Variants in CCNY observed in about 807,000 individuals in gnomAD.
CCNY encodes cyclin Y, also known as cyclin-Y.
CCNY carries 19 observed loss-of-function variants against 42.8 expected under a neutral mutation model. That is an observed-to-expected ratio of 0.44 (90% CI 0.31 to 0.65). The LOEUF (loss-of-function observed/expected upper bound fraction) is 0.65, where lower values mean the gene tolerates loss of function less well. Among genes scored for constraint, CCNY ranks in the 30% least tolerant of loss-of-function variants. The pLI is 0.07. For missense variants in CCNY, 370 were observed against 437.3 expected (o/e 0.85, Z 1.37); for synonymous variants, 165 against 162.7 (o/e 1.01, Z -0.11).
At chr10:35,452,613 C>T (rs1838942240) in intron 1 of CCNY, among the ~76,000 whole-genome samples, 1 of 152,158 alleles carries the variant, frequency 6.6e-6, no homozygotes, top group Admixed American at 6.5e-5. Context: ...GAGGTTCTCA[C>T]CATTTCAGAA....
At chr10:35,337,333 G>T (rs1836065269) in intron 1 of CCNY, 126 bp downstream of exon 1, 2 of 1,009,394 alleles carry the variant, frequency 2.0e-6, no homozygotes, top group Admixed American at 3.9e-5. Flanking sequence ...CCGGGGCTTC[G>T]CCCGCGCAGC....
chr10:35,521,210 A>G (rs901607689), intron 4 of CCNY, among the ~76,000 whole-genome samples: 5 of 152,228 alleles, frequency 3.3e-5, no homozygotes, highest in African/African-American at 9.6e-5. Context: ...AGCAAACCCT[A>G]TAGTCCAAAT....
chr10:35,383,365 T>C (rs1315832038), intron 1 of CCNY, among the ~76,000 whole-genome samples: 1 of 152,058 alleles, frequency 6.6e-6, no homozygotes, highest in Non-Finnish European at 1.5e-5. Flanking sequence ...TGGAGTGCAG[T>C]GGCACAATCT....
At chr10:35,347,986 T>C (rs1836343571) in intron 1 of CCNY, among the ~76,000 whole-genome samples, 1 of 152,234 alleles carries the variant, frequency 6.6e-6, no homozygotes, top group African/African-American at 2.4e-5. Flanking sequence ...CAGACGCACA[T>C]ATTTATCAAG....
intron 1 of CCNY, among the ~76,000 whole-genome samples, chr10:35,468,883 C>T (rs1344459882): frequency 6.6e-6 from 1 of 152,206 alleles, no homozygotes; most frequent in African/African-American, 2.4e-5. Flanking sequence ...CTCCCCCTGC[C>T]AGCCCAGCCT....
intron 3 of CCNY, among the ~76,000 whole-genome samples, chr10:35,507,620 T>C (rs1840240855): frequency 6.6e-6 from 1 of 152,224 alleles, no homozygotes; most frequent in South Asian, 2.1e-4. Context: ...CCAGCAATGT[T>C]AAGTGGCTCC....
chr10:35,263,084 C>A (rs1396908069), intron 3 of CCNY, among the ~76,000 whole-genome samples: 2 of 151,824 alleles, frequency 1.3e-5, no homozygotes, highest in African/African-American at 4.8e-5. Flanking sequence ...TAGCCGGGCA[C>A]GGTGGCTCAC....
rs892546480 is a variant in CCNY, at chr10:35,294,939, T to C, written c.-9+44313T>C. Among the ~76,000 whole-genome samples, 7 of 152,256 alleles carry C rather than the reference T, an allele frequency of 4.6e-5. No homozygotes were observed. The East Asian group carries it at 1.4e-3, about 30-fold the overall frequency. On this transcript the variant is annotated intron_variant, in intron 3 of 11. Coordinates refer to the CCNY transcript ENST00000374706. ...CTTTGTTATAGATTTATTTAAATTG[T>C]CCCTTTCTTCTTGAGCCAGTTGCAG...
At chr10:35,325,973 G>A (rs1457189018) in intron 3 of CCNY, among the ~76,000 whole-genome samples, 1 of 152,082 alleles carries the variant, frequency 6.6e-6, no homozygotes, top group Admixed American at 6.6e-5. Context: ...CTTGGGAGGA[G>A]GCTGAGGTAG....
intron 1 of CCNY, among the ~76,000 whole-genome samples, chr10:35,400,382 T>A (rs1837617807): frequency 6.6e-6 from 1 of 152,090 alleles, no homozygotes; most frequent in Non-Finnish European, 1.5e-5. Flanking sequence ...CCTGGGGCAT[T>A]TAGGTTGGTC....
At chr10:35,528,923 T>C (rs1840707407) in intron 5 of CCNY, among the ~76,000 whole-genome samples, 1 of 152,228 alleles carries the variant, frequency 6.6e-6, no homozygotes, top group South Asian at 2.1e-4. Context: ...GCACAGACTA[T>C]GGAAATTACA....
intron 1 of CCNY, among the ~76,000 whole-genome samples, chr10:35,346,451 A>C (rs889478921): frequency 3.3e-5 from 5 of 152,220 alleles, no homozygotes; most frequent in Non-Finnish European, 7.3e-5. Context: ...CCCACACATC[A>C]GCAAGATTTT....
intron 3 of CCNY, among the ~76,000 whole-genome samples, chr10:35,255,761 A>AAG (rs964966179): frequency 1.5e-4 from 23 of 151,858 alleles, no homozygotes; most frequent in African/African-American, 5.6e-4. Context: ...TGCCTGGCTA[A>AAG]TTTTTAAAAA....
intron 1 of CCNY, among the ~76,000 whole-genome samples, chr10:35,370,840 C>T (rs765519375): frequency 7.9e-5 from 12 of 151,548 alleles, no homozygotes; most frequent in Non-Finnish European, 1.0e-4. Context: ...CTCAGCCTCC[C>T]GAGTAGCTGA....
Position 35,423,559 on chromosome 10 carries a change from C to T in CCNY, c.155-59845C>T, listed in dbSNP as rs948227151. Among the ~76,000 whole-genome samples the T allele has an allele frequency of 6.0e-5, 9 of 150,152 alleles. No homozygotes were observed. The South Asian group carries it at 1.7e-3, about 28-fold the overall frequency. ...GTACATTGAGGGTGTTTGTTGTAAGCAGCAGGTTATTTTGGTACACTGTAC... is the reference window on the plus strand; with the variant it reads ...GTACATTGAGGGTGTTTGTTGTAAGTAGCAGGTTATTTTGGTACACTGTAC... On this transcript the variant is annotated intron_variant, in intron 1 of 9. Transcript: ENST00000374704.
chr10:35,526,406 G>A (rs1329472610), intron 5 of CCNY, among the ~76,000 whole-genome samples: 1 of 152,138 alleles, frequency 6.6e-6, no homozygotes, highest in Non-Finnish European at 1.5e-5. Context: ...ATTTAGGCAT[G>A]AACTATTTTA....
Position 35,516,500 on chromosome 10 carries a change from ATCT to A in CCNY, c.265-18_265-16del, listed in dbSNP as rs373228161. 4.5e-4 allele frequency: 697 copies of A among 1,547,362 alleles called. 4 individuals are homozygous for A. The African/African-American group carries it at 8.5e-3, about 19-fold the overall frequency. ...TTCTGAGCCCTGTGTAATTGCCTTAATCTTCTTGCTGTTGTTTTCTAGCATCCT... is the reference window on the plus strand; with the variant it reads ...TTCTGAGCCCTGTGTAATTGCCTTAATCTTGCTGTTGTTTTCTAGCATCCT... On this transcript the variant is annotated intron_variant, in intron 3 of 9. Transcript: ENST00000374704.
intron 1 of CCNY, among the ~76,000 whole-genome samples, chr10:35,452,196 G>A (rs1196579412): frequency 1.3e-5 from 2 of 152,150 alleles, no homozygotes; most frequent in Non-Finnish European, 2.9e-5. Flanking sequence ...GTTGTTGACT[G>A]TGATGTTGAA....
At chr10:35,478,380 T>G (rs1208831506) in intron 1 of CCNY, among the ~76,000 whole-genome samples, 2 of 151,750 alleles carry the variant, frequency 1.3e-5, no homozygotes, top group Non-Finnish European at 2.9e-5. Context: ...ACTACCTGAC[T>G]TCAAACTATA....
Sources: allele counts gnomAD v4.1 joint callset (sites outside exome capture counted in the v4.1 genomes callset), GRCh38; gene constraint gnomAD v4.1.1; transcripts MANE v1.5; gene names NCBI Gene and HGNC (gene_info 2026-07-23, HGNC 2026-07-21).